Variants in C3orf20 observed in about 807,000 individuals in gnomAD.
C3orf20 encodes the protein family with sequence similarity 149 member C.
C3orf20 carries 76 observed loss-of-function variants against 88.3 expected under a neutral mutation model. That is an observed-to-expected ratio of 0.86 (90% CI 0.72 to 1.04). The LOEUF is 1.04. C3orf20 is among the 50% of genes least tolerant of loss of function. C3orf20 has a pLI of 0.00. For synonymous variants in C3orf20, 436 were observed against 437.4 expected, an observed-to-expected ratio of 1.00 and a Z score of 0.04; for missense variants, 1,056 against 1,123.3, an observed-to-expected ratio of 0.94 and a Z score of 0.86.
chr3:14,748,656 A>G (rs1328204165), intron 12 of C3orf20, among the ~76,000 whole-genome samples: 3 of 151,772 alleles, frequency 2.0e-5, no homozygotes, highest in Non-Finnish European at 2.9e-5. Flanking sequence ...TTTTGTTTTC[A>G]TTTCCTTAAA....
At chr3:14,679,945 A>G (rs2124877035) in intron 1 of C3orf20, among the ~76,000 whole-genome samples, 1 of 152,374 alleles carries the variant, frequency 6.6e-6, no homozygotes, top group African/African-American at 2.4e-5. Flanking sequence ...TTAGGGAAAT[A>G]CAAATCAGAA....
At chr3:14,722,904 C>T (rs1286389343) in intron 10 of C3orf20, among the ~76,000 whole-genome samples, 1 of 152,110 alleles carries the variant, frequency 6.6e-6, no homozygotes, top group East Asian at 1.9e-4. Context: ...GAGTGTATAT[C>T]CCAAAAGAGA....
chr3:14,766,572 G>T (rs139808385), intron 15 of C3orf20, among the ~76,000 whole-genome samples: 1 of 152,254 alleles, frequency 6.6e-6, no homozygotes, highest in Non-Finnish European at 1.5e-5. Flanking sequence ...CAGCCGGCGA[G>T]GGGGAGGGGG....
intron 4 of C3orf20, among the ~76,000 whole-genome samples, chr3:14,685,989 G>T (rs2032405539): frequency 6.6e-6 from 1 of 150,890 alleles, no homozygotes; most frequent in Admixed American, 6.6e-5. Flanking sequence ...AGCCTCCCGA[G>T]TAGCTGGGAC....
chr3:14,731,783 C>CT (rs1378241054), intron 12 of C3orf20, among the ~76,000 whole-genome samples: 2 of 152,160 alleles, frequency 1.3e-5, no homozygotes, highest in African/African-American at 4.8e-5. Flanking sequence ...CAGCCAAGGG[C>CT]TAATGTTGTA....
At chr3:14,678,826 T>C (rs1467889512) in intron 1 of C3orf20, among the ~76,000 whole-genome samples, 1 of 151,690 alleles carries the variant, frequency 6.6e-6, no homozygotes, top group South Asian at 2.1e-4. Flanking sequence ...GATGAGACCA[T>C]ATGGAACACA....
At chr3:14,755,267 G>A (rs79448928) in intron 12 of C3orf20, among the ~76,000 whole-genome samples, 1,590 of 152,076 alleles carry the variant, frequency 0.01, 33 homozygotes, top group African/African-American at 0.037. Context: ...TTTTGCCACA[G>A]AGGGATTTTG....
chr3:14,706,463 G>A (rs2033507261), intron 7 of C3orf20, among the ~76,000 whole-genome samples: 1 of 151,866 alleles, frequency 6.6e-6, no homozygotes, highest in Admixed American at 6.6e-5. Context: ...GTGGGCTTGT[G>A]TATGATTAGA....
chr3:14,679,339 A>G (rs1325909311), intron 1 of C3orf20, among the ~76,000 whole-genome samples: 1 of 152,208 alleles, frequency 6.6e-6, no homozygotes, highest in Non-Finnish European at 1.5e-5. Context: ...AATGGGAAGG[A>G]AGGAGTGATG....
At chr3:14,719,510 T>A (rs574548529) in intron 9 of C3orf20, among the ~76,000 whole-genome samples, 2 of 152,178 alleles carry the variant, frequency 1.3e-5, no homozygotes, top group Non-Finnish European at 2.9e-5. Flanking sequence ...AGAGGATCAG[T>A]GACCAAAATG....
chr3:14,725,661 G>C (rs930016613), intron 10 of C3orf20, among the ~76,000 whole-genome samples: 2 of 152,136 alleles, frequency 1.3e-5, no homozygotes, highest in African/African-American at 4.8e-5. Flanking sequence ...ATCCTTTATA[G>C]ATTTCCTGCC....
At chr3:14,769,431 A>G (rs990426739) in intron 15 of C3orf20, among the ~76,000 whole-genome samples, 3 of 151,638 alleles carry the variant, frequency 2.0e-5, no homozygotes, top group South Asian at 4.2e-4. Flanking sequence ...AGTTTGGGCC[A>G]TGTATCTGTA....
At chr3:14,766,716 C>T (rs546691777) in intron 15 of C3orf20, among the ~76,000 whole-genome samples, 20 of 152,158 alleles carry the variant, frequency 1.3e-4, no homozygotes, top group African/African-American at 1.9e-4. Context: ...GGTGACGGGG[C>T]GTGAAGGGCC....
At position 14,757,349 on chromosome 3, in the gene C3orf20, T is replaced by A. The variant is rs542580040; in HGVS notation, c.1941-22T>A. ...CTTCACCACCTTCTGAGGGTCCCTG[T>A]GCACTGTGCTCCTCCTTGCAGAGGG... On this transcript the variant is annotated intron_variant, in intron 12 of 16. Transcript: ENST00000253697. The A allele has an allele frequency of 6.2e-6, 10 of 1,600,276 alleles. No homozygotes were observed. In the East Asian group the frequency reaches 1.6e-4, roughly 25 times the overall value.
intron 5 of C3orf20, among the ~76,000 whole-genome samples, chr3:14,698,993 G>A (rs904015443): frequency 2.6e-5 from 4 of 152,058 alleles, no homozygotes; most frequent in African/African-American, 9.7e-5. Context: ...GTGAGACACA[G>A]TCCTTCCCAC....
rs529238008 is a variant in C3orf20, at chr3:14,700,963, C to T, written c.746-2167C>T. Among the ~76,000 whole-genome samples the T allele has an allele frequency of 5.9e-5, 9 of 152,312 alleles. No homozygotes were observed. The East Asian group carries it at 1.3e-3, about 23-fold the overall frequency. Reference sequence around the variant, plus strand: ...GAGTTGGGCTTACTCCCTGAGGGGACGGCAGCTATTTCTGGAAGGTGTCCA... The same window carrying T: ...GAGTTGGGCTTACTCCCTGAGGGGATGGCAGCTATTTCTGGAAGGTGTCCA... On this transcript the variant is annotated intron_variant, in intron 5 of 16. Coordinates refer to ENST00000253697, the MANE Select transcript of C3orf20 (RefSeq NM_032137.5).
At chr3:14,771,798 C>T (rs553712052) in intron 15 of C3orf20, among the ~76,000 whole-genome samples, 9 of 152,306 alleles carry the variant, frequency 5.9e-5, no homozygotes, top group South Asian at 4.2e-4. Context: ...GGAGCCCTCC[C>T]GCCCCACCGC....
chr3:14,723,339 C>T (rs1352797448), intron 10 of C3orf20, among the ~76,000 whole-genome samples: 1 of 152,242 alleles, frequency 6.6e-6, no homozygotes, highest in Non-Finnish European at 1.5e-5. Context: ...GAAAGCATTG[C>T]ATCTGTTTTC....
chr3:14,688,627 C>T (rs1385398696), intron 4 of C3orf20, among the ~76,000 whole-genome samples: 1 of 151,866 alleles, frequency 6.6e-6, no homozygotes, highest in Non-Finnish European at 1.5e-5. Flanking sequence ...TGTCCTGATA[C>T]CTACTAGCCC....
Sources: gnomAD v4.1 joint callset for allele counts (sites outside exome capture counted in the v4.1 genomes callset) on GRCh38, gnomAD v4.1.1 for gene constraint, MANE v1.5 for transcripts, NCBI Gene and HGNC (gene_info 2026-07-23, HGNC 2026-07-21) for gene names.